AGBL1: variants seen among roughly 807,000 people sequenced by gnomAD.
AGBL1 encodes the protein AGBL carboxypeptidase 1.
AGBL1 carries 130 observed loss-of-function variants against 118.9 expected under a neutral mutation model. That is an observed-to-expected ratio of 1.09 (90% CI 0.95 to 1.26). AGBL1 has a LOEUF of 1.26. Among genes scored for constraint, AGBL1 ranks in the 50% most tolerant of loss-of-function variants. The pLI is 0.00. For synonymous variants in AGBL1, 555 were observed against 478.9 expected, an observed-to-expected ratio of 1.16 and a Z score of -2.08; for missense variants, 1,584 against 1,298.1, an observed-to-expected ratio of 1.22 and a Z score of -3.38.
chr15:86,599,599 T>C (rs893755584), intron 21 of AGBL1, among the ~76,000 whole-genome samples: 14 of 152,150 alleles, frequency 9.2e-5, no homozygotes, highest in Non-Finnish European at 1.9e-4. Flanking sequence ...CATGGCAAAT[T>C]GGTGTTTCTT....
At chr15:86,768,699 G>T (rs1447982300) in intron 22 of AGBL1, among the ~76,000 whole-genome samples, 2 of 151,818 alleles carry the variant, frequency 1.3e-5, no homozygotes, top group Non-Finnish European at 2.9e-5. Context: ...TTTTCTTTAT[G>T]GGAGTTATAA....
chr15:86,861,757 C>A (rs1045624452), intron 22 of AGBL1, among the ~76,000 whole-genome samples: 1 of 152,158 alleles, frequency 6.6e-6, no homozygotes, highest in African/African-American at 2.4e-5. Context: ...ACCCATACTC[C>A]TGAGAAGAGA....
chr15:86,734,820 A>G (rs1009025225), intron 22 of AGBL1, among the ~76,000 whole-genome samples: 1 of 152,104 alleles, frequency 6.6e-6, no homozygotes, highest in Non-Finnish European at 1.5e-5. Flanking sequence ...AAAGAAGATA[A>G]AAGAGCAAGC....
At position 87,026,566 on chromosome 15, in the gene AGBL1, A is replaced by G. The variant is rs1037366488; in HGVS notation, c.3324-2259A>G. 3.3e-5 allele frequency among the ~76,000 whole-genome samples: 5 copies of G among 152,118 alleles called. No individual in the cohort carries two copies. The East Asian group carries it at 9.6e-4, about 29-fold the overall frequency. On this transcript the variant is annotated intron_variant, in intron 24 of 24. Coordinates refer to the AGBL1 transcript ENST00000441037. Reference sequence around the variant, plus strand: ...GCTGGTGGGAATGTAAACTAGTACAATCACTATGAACAACAGTGTGGAAAT... The same window carrying G: ...GCTGGTGGGAATGTAAACTAGTACAGTCACTATGAACAACAGTGTGGAAAT...
intron 21 of AGBL1, among the ~76,000 whole-genome samples, chr15:86,624,834 G>T (rs373007727): frequency 6.6e-6 from 1 of 152,144 alleles, no homozygotes; most frequent in Non-Finnish European, 1.5e-5. Context: ...GCAGCTTGTC[G>T]TTCCCTCTCC....
intron 6 of AGBL1, among the ~76,000 whole-genome samples, chr15:86,247,092 A>C (rs1356653816): frequency 6.6e-6 from 1 of 152,234 alleles, no homozygotes; most frequent in Non-Finnish European, 1.5e-5. Flanking sequence ...GTTTATCAAA[A>C]TCTGAAAATA....
intron 17 of AGBL1, among the ~76,000 whole-genome samples, chr15:86,327,993 G>A (rs1461709806): frequency 6.6e-6 from 1 of 152,164 alleles, no homozygotes; most frequent in South Asian, 2.1e-4. Context: ...ACCTATATGA[G>A]CAAGCTTTGT....
At chr15:86,581,550 TC>T (rs1386478483) in intron 21 of AGBL1, among the ~76,000 whole-genome samples, 17 of 152,200 alleles carry the variant, frequency 1.1e-4, no homozygotes, top group African/African-American at 4.1e-4. Flanking sequence ...CATCATTTTA[TC>T]ATTCATTTGA....
At chr15:86,607,089 C>T (rs1278810207) in intron 21 of AGBL1, among the ~76,000 whole-genome samples, 1 of 152,160 alleles carries the variant, frequency 6.6e-6, no homozygotes, top group Non-Finnish European at 1.5e-5. Flanking sequence ...AGATTGGCTT[C>T]TTTCACTTAG....
At chr15:86,832,049 A>G (rs2079111810) in intron 22 of AGBL1, among the ~76,000 whole-genome samples, 1 of 152,222 alleles carries the variant, frequency 6.6e-6, no homozygotes. Flanking sequence ...CTCTGAAGCA[A>G]CGGCCTGAGC....
At chr15:86,862,480 G>T (rs1249147739) in intron 22 of AGBL1, among the ~76,000 whole-genome samples, 3 of 152,160 alleles carry the variant, frequency 2.0e-5, no homozygotes, top group African/African-American at 7.2e-5. Flanking sequence ...AGCACTTTGG[G>T]AGGCCGAGGC....
rs764850557 is a variant in AGBL1, at chr15:86,269,935, C to T, written c.1855C>T (p.Leu619=). The change falls in exon 14 of 23, where the codon CTG becomes TTG. Residue 619 remains leucine, a synonymous_variant. Transcript: ENST00000614907. ...GATCTGCAGGTTCGAGTATGACTTG[C>T]TGGTCAACGCAGATGTGAATAGCAC... ...IQVREFEYDL[L]VNADVNSTQH... The T allele has an allele frequency of 1.5e-5, 24 of 1,613,532 alleles. No homozygotes were observed. Among genetic ancestry groups the T allele is most frequent in the Non-Finnish European group, 2.0e-5 (24 of 1,179,720 alleles).
At chr15:86,363,573 C>T (rs1248207395) in intron 17 of AGBL1, among the ~76,000 whole-genome samples, 2 of 152,048 alleles carry the variant, frequency 1.3e-5, no homozygotes, top group Non-Finnish European at 2.9e-5. Flanking sequence ...TTTCTATTCC[C>T]TCTCATATTT....
chr15:86,744,953 C>G (rs1481368738), intron 22 of AGBL1, among the ~76,000 whole-genome samples: 3 of 152,132 alleles, frequency 2.0e-5, no homozygotes, highest in Non-Finnish European at 4.4e-5. Flanking sequence ...AACCATTGAT[C>G]TCTCTCGAGA....
At chr15:86,526,544 GTATATATATATATATATATA>G (rs1555422465) in intron 19 of AGBL1, among the ~76,000 whole-genome samples, 2 of 119,452 alleles carry the variant, frequency 1.7e-5, no homozygotes, top group African/African-American at 6.6e-5. Flanking sequence ...TTGTGTCTGT[GTATATATATATATATATATA>G]TATATATATA....
At chr15:86,946,487 T>C (rs2080822837) in intron 23 of AGBL1, among the ~76,000 whole-genome samples, 2 of 152,148 alleles carry the variant, frequency 1.3e-5, no homozygotes, top group African/African-American at 4.8e-5. Flanking sequence ...CATAAACCTT[T>C]TATTCATTTA....
intron 22 of AGBL1, among the ~76,000 whole-genome samples, chr15:86,880,245 G>T (rs2079871758): frequency 6.6e-6 from 1 of 152,184 alleles, no homozygotes; most frequent in Non-Finnish European, 1.5e-5. Flanking sequence ...ATAAAATTAT[G>T]TCAGTGATAA....
At chr15:86,726,973 A>T (rs1328288761) in intron 22 of AGBL1, among the ~76,000 whole-genome samples, 8 of 151,132 alleles carry the variant, frequency 5.3e-5, no homozygotes, top group African/African-American at 1.7e-4. Flanking sequence ...ACACGTGGGG[A>T]GCTTTTGAGT....
At chr15:86,199,490 T>C (rs1021903589) in intron 5 of AGBL1, among the ~76,000 whole-genome samples, 1 of 152,226 alleles carries the variant, frequency 6.6e-6, no homozygotes, top group African/African-American at 2.4e-5. Flanking sequence ...CATGATAATA[T>C]AGGGCACTAA....
Sources: gnomAD v4.1 joint callset for allele counts (sites outside exome capture counted in the v4.1 genomes callset) on GRCh38, gnomAD v4.1.1 for gene constraint, MANE v1.5 for transcripts, NCBI Gene and HGNC (gene_info 2026-07-23, HGNC 2026-07-21) for gene names.